SPAG16: variants seen among roughly 807,000 people sequenced by gnomAD.
The protein encoded by SPAG16 is sperm associated antigen 16.
SPAG16 carries 86 observed loss-of-function variants against 80.4 expected under a neutral mutation model. The observed-to-expected ratio is 1.07, with a 90% CI of 0.90 to 1.28. The LOEUF (loss-of-function observed/expected upper bound fraction) is 1.28. Ranked by LOEUF, SPAG16 falls within the 50% of genes most tolerant of loss-of-function variation. SPAG16 has a pLI of 0.00. For synonymous variants in SPAG16, 294 were observed against 265.9 expected, an observed-to-expected ratio of 1.11 and a Z score of -1.03; for missense variants, 870 against 765.3, an observed-to-expected ratio of 1.14 and a Z score of -1.61.
chr2:213,739,738 A>G (rs2067457007), intron 10 of SPAG16, among the ~76,000 whole-genome samples: 1 of 152,080 alleles, frequency 6.6e-6, no homozygotes, highest in South Asian at 2.1e-4. Context: ...AGTAGCTGGG[A>G]CCACAGGCAT....
At chr2:213,966,013 T>C (rs1326761200) in intron 12 of SPAG16, among the ~76,000 whole-genome samples, 2 of 152,176 alleles carry the variant, frequency 1.3e-5, no homozygotes, top group Non-Finnish European at 2.9e-5. Context: ...TGTCCTACAA[T>C]TAAGGTTAGA....
chr2:213,987,278 A>T (rs972238263), intron 12 of SPAG16, among the ~76,000 whole-genome samples: 1 of 151,996 alleles, frequency 6.6e-6, no homozygotes, highest in Non-Finnish European at 1.5e-5. Flanking sequence ...TGCAATACCT[A>T]CTGCCTGCCT....
chr2:213,544,920 A>T (rs2076566712), intron 10 of SPAG16, among the ~76,000 whole-genome samples: 1 of 152,140 alleles, frequency 6.6e-6, no homozygotes, highest in Non-Finnish European at 1.5e-5. Flanking sequence ...TCATTCACCC[A>T]CTCAAGGACA....
intron 15 of SPAG16, among the ~76,000 whole-genome samples, chr2:214,166,444 C>A (rs1258099327): frequency 6.6e-6 from 1 of 152,128 alleles, no homozygotes; most frequent in Non-Finnish European, 1.5e-5. Context: ...TGCACAGTGG[C>A]TGCATTACTC....
chr2:214,175,459 G>C (rs1024287490), intron 15 of SPAG16, among the ~76,000 whole-genome samples: 1 of 150,978 alleles, frequency 6.6e-6, no homozygotes, highest in Non-Finnish European at 1.5e-5. Flanking sequence ...GCCACTTTCT[G>C]TCCAGGTGTT....
chr2:213,291,468 G>C (rs1023269331), intron 1 of SPAG16, among the ~76,000 whole-genome samples: 1 of 152,124 alleles, frequency 6.6e-6, no homozygotes, highest in African/African-American at 2.4e-5. Context: ...TATCTTCCTA[G>C]TTTGATTGTT....
chr2:213,940,731 C>A (rs920000493), intron 12 of SPAG16, among the ~76,000 whole-genome samples: 1 of 152,132 alleles, frequency 6.6e-6, no homozygotes, highest in African/African-American at 2.4e-5. Flanking sequence ...ATCTGCACCC[C>A]AATAATACTA....
chr2:213,654,832 G>T (rs2063162596), intron 10 of SPAG16, among the ~76,000 whole-genome samples: 1 of 151,958 alleles, frequency 6.6e-6, no homozygotes, highest in South Asian at 2.1e-4. Context: ...TGTCAATGGA[G>T]AAAAAAGGAA....
At chr2:213,981,575 T>C (rs972001470) in intron 12 of SPAG16, among the ~76,000 whole-genome samples, 2 of 152,064 alleles carry the variant, frequency 1.3e-5, no homozygotes, top group Non-Finnish European at 2.9e-5. Flanking sequence ...AATACACTCA[T>C]TAAAGAGATT....
intron 10 of SPAG16, among the ~76,000 whole-genome samples, chr2:213,679,349 A>C (rs922130674): frequency 6.6e-6 from 1 of 152,108 alleles, no homozygotes; most frequent in African/African-American, 2.4e-5. Flanking sequence ...AATAATTACA[A>C]ATTTCTATTC....
chr2:214,060,576 A>C (rs2050208904), intron 13 of SPAG16, among the ~76,000 whole-genome samples: 1 of 152,214 alleles, frequency 6.6e-6, no homozygotes, highest in South Asian at 2.1e-4. Flanking sequence ...TAATACTTAT[A>C]ATGATAAAAC....
intron 14 of SPAG16, among the ~76,000 whole-genome samples, chr2:214,114,429 C>T (rs1576250775): frequency 6.6e-6 from 1 of 152,340 alleles, no homozygotes; most frequent in Admixed American, 6.5e-5. Context: ...CTATGCCTTG[C>T]CCACAGAGGT....
rs1553519944 is a variant in SPAG16 at position 214,177,916 on chromosome 2, C to CATACATATATAT, written c.1720+28653_1720+28654insCATATATATATA. ...ATATATATACATATATATATATATA[C>CATACATATATAT]ATATATATATATATATATGGCCAGA... On this transcript the variant is annotated intron_variant, in intron 15 of 15. Transcript: ENST00000331683. 7.6e-5 allele frequency among the ~76,000 whole-genome samples: 7 copies of CATACATATATAT among 92,200 alleles called. No homozygotes were observed. The East Asian group carries it at 9.6e-4, about 13-fold the overall frequency. The allele number at this position is 92,200 out of a possible 152,430, so 60.5% of individuals were successfully genotyped here.
At chr2:213,566,110 A>G (rs984748849) in intron 10 of SPAG16, among the ~76,000 whole-genome samples, 3 of 152,172 alleles carry the variant, frequency 2.0e-5, no homozygotes, top group Admixed American at 1.3e-4. Flanking sequence ...ATTGATAATG[A>G]TAAACTTCAG....
chr2:214,388,595 G>GTC (rs1321783664), intron 15 of SPAG16, among the ~76,000 whole-genome samples: 4 of 142,550 alleles, frequency 2.8e-5, no homozygotes, highest in African/African-American at 1.2e-4. Flanking sequence ...TAAAGTAGGA[G>GTC]TGTGTGTGTG....
chr2:214,349,630 T>TA (rs1279150320), intron 15 of SPAG16, among the ~76,000 whole-genome samples: 1 of 152,216 alleles, frequency 6.6e-6, no homozygotes, highest in Non-Finnish European at 1.5e-5. Flanking sequence ...AAGGTATGTG[T>TA]AAGTTTTAGT....
At chr2:214,391,402 T>C (rs1371896644) in intron 15 of SPAG16, among the ~76,000 whole-genome samples, 1 of 152,202 alleles carries the variant, frequency 6.6e-6, no homozygotes, top group East Asian at 1.9e-4. Flanking sequence ...AATTTTAAAC[T>C]ATATTCCTAA....
intron 15 of SPAG16, among the ~76,000 whole-genome samples, chr2:214,397,804 T>C (rs551801142): frequency 6.6e-6 from 1 of 152,224 alleles, no homozygotes; most frequent in Non-Finnish European, 1.5e-5. Flanking sequence ...TCTTCTCTAA[T>C]GCAAAAATTG....
chr2:213,824,199 GT>G lies in SPAG16; in HGVS notation c.1071-38283del, dbSNP rs749953083. Among the ~76,000 whole-genome samples, 13 of 152,132 alleles carry G rather than the reference GT, an allele frequency of 8.5e-5. No homozygotes were observed. In the East Asian group the frequency reaches 2.3e-3, roughly 27 times the overall value. ...TTTCCCCATTGTTTGTTTTTGTCAG[GT>G]TTGTTGAAGATCAGATCATTATAGA... On this transcript the variant is annotated intron_variant, in intron 10 of 15. Coordinates refer to ENST00000331683, the MANE Select transcript of SPAG16 (RefSeq NM_024532.5).
Sources: gnomAD v4.1 joint callset for allele counts (sites outside exome capture counted in the v4.1 genomes callset) on GRCh38, gnomAD v4.1.1 for gene constraint, MANE v1.5 for transcripts, NCBI Gene and HGNC (gene_info 2026-07-23, HGNC 2026-07-21) for gene names.